Variants in CLSTN2 observed in about 807,000 individuals in gnomAD.
CLSTN2 encodes calsyntenin-2.
Under a neutral mutation model 101.2 loss-of-function variants are expected in CLSTN2, and 48 were observed. The observed-to-expected ratio is 0.47, with a 90% CI of 0.38 to 0.60. The LOEUF (loss-of-function observed/expected upper bound fraction) is 0.60, where lower values mean the gene tolerates loss of function less well. Among genes scored for constraint, CLSTN2 ranks in the 20% least tolerant of loss-of-function variants. The probability of loss-of-function intolerance (pLI) is 0.00; values close to 1 mark genes in which losing one functional copy is unlikely to be tolerated. For synonymous variants in CLSTN2, 481 were observed against 463.6 expected (o/e 1.04, Z -0.48); for missense variants, 1,160 against 1,238.2 (o/e 0.94, Z 0.95).
At chr3:140,007,310 C>G (rs1045544113) in intron 1 of CLSTN2, among the ~76,000 whole-genome samples, 11 of 152,198 alleles carry the variant, frequency 7.2e-5, no homozygotes, top group African/African-American at 1.7e-4. Flanking sequence ...GAGCCCAGGC[C>G]AAGGCCTGAT....
intron 2 of CLSTN2, among the ~76,000 whole-genome samples, chr3:140,264,375 A>AATTT (rs2086677146): frequency 1.0e-5 from 1 of 98,520 alleles, no homozygotes; most frequent in Non-Finnish European, 2.0e-5. Flanking sequence ...TAATGAATCA[A>AATTT]ATATATATAT....
At chr3:140,392,472 A>T (rs1170951573) in intron 2 of CLSTN2, among the ~76,000 whole-genome samples, 1 of 152,122 alleles carries the variant, frequency 6.6e-6, no homozygotes, top group Non-Finnish European at 1.5e-5. Flanking sequence ...TGAAAAATTG[A>T]TTCACATAAC....
At chr3:140,402,032 G>A (rs2088248281) in intron 2 of CLSTN2, among the ~76,000 whole-genome samples, 1 of 152,174 alleles carries the variant, frequency 6.6e-6, no homozygotes, top group African/African-American at 2.4e-5. Context: ...TGGCGGCGGG[G>A]GAGTGGGAGA....
chr3:140,018,506 A>C (rs1325966069), intron 1 of CLSTN2, among the ~76,000 whole-genome samples: 2 of 152,106 alleles, frequency 1.3e-5, no homozygotes, highest in African/African-American at 4.8e-5. Context: ...CAGGGTGTAC[A>C]GTCCTGTCTC....
intron 1 of CLSTN2, among the ~76,000 whole-genome samples, chr3:140,077,069 T>C (rs2008504746): frequency 6.6e-6 from 1 of 152,176 alleles, no homozygotes. Context: ...AGCTCTAAGA[T>C]GAATGAAGAA....
At position 140,371,605 on chromosome 3, in the gene CLSTN2, A is replaced by G. The variant is rs190451298; in HGVS notation, c.233-32024A>G. On this transcript the variant is annotated intron_variant, in intron 2 of 16. Transcript: ENST00000458420. ...CACTCAGACCAGAGCCTCAATATCC[A>G]TTGTCCCATGGAATCCTTCCTCACA... is the stretch of plus-strand genomic sequence containing the variant. Among the ~76,000 whole-genome samples, 66 of 152,254 alleles carry G rather than the reference A, an allele frequency of 4.3e-4. No homozygotes were observed. In the East Asian group the frequency reaches 0.013, roughly 29 times the overall value.
At chr3:139,986,825 A>T (rs903070092) in intron 1 of CLSTN2, among the ~76,000 whole-genome samples, 1 of 152,126 alleles carries the variant, frequency 6.6e-6, no homozygotes, top group African/African-American at 2.4e-5. Flanking sequence ...AGAGAGCTGG[A>T]TTTGTCTTCA....
intron 2 of CLSTN2, among the ~76,000 whole-genome samples, chr3:140,389,974 TTCCTC>T (rs2088095318): frequency 6.6e-6 from 1 of 152,218 alleles, no homozygotes; most frequent in African/African-American, 2.4e-5. Context: ...AAACCATTCT[TTCCTC>T]TATTTTCTAA....
intron 8 of CLSTN2, among the ~76,000 whole-genome samples, chr3:140,523,639 A>C (rs1935081045): frequency 6.6e-6 from 1 of 152,032 alleles, no homozygotes; most frequent in Admixed American, 6.5e-5. Flanking sequence ...TATTATCCTC[A>C]CTTCACATGT....
chr3:140,180,062 A>C (rs2010385305), intron 2 of CLSTN2, among the ~76,000 whole-genome samples: 1 of 152,252 alleles, frequency 6.6e-6, no homozygotes, highest in Admixed American at 6.5e-5. Flanking sequence ...GTAAAAGAAT[A>C]TAAGCTTTCC....
chr3:139,958,533 T>A (rs1273535829), intron 1 of CLSTN2, among the ~76,000 whole-genome samples: 1 of 152,084 alleles, frequency 6.6e-6, no homozygotes, highest in Non-Finnish European at 1.5e-5. Flanking sequence ...TTGATTTATG[T>A]CCAGGGTGGT....
At chr3:140,422,431 C>CT (rs1219189898) in intron 5 of CLSTN2, among the ~76,000 whole-genome samples, 1 of 152,174 alleles carries the variant, frequency 6.6e-6, no homozygotes, top group Middle Eastern at 3.2e-3. Flanking sequence ...CAGAAGCTGC[C>CT]TGACATCATT....
chr3:140,543,634 G>A (rs1935530235), intron 9 of CLSTN2, among the ~76,000 whole-genome samples: 1 of 152,176 alleles, frequency 6.6e-6, no homozygotes, highest in East Asian at 1.9e-4. Flanking sequence ...TCCTGCCACT[G>A]CCCTTCTCCA....
In CLSTN2 at chr3:140,568,590, G is replaced by T. The variant is rs961805628; in HGVS notation, c.*2337G>T. 1.2e-4 allele frequency: 18 copies of T among 152,268 alleles called. No homozygotes were observed. The highest frequency in any genetic ancestry group is 6.2e-4 in the South Asian group (3 of 4,822). The allele number at this position is 152,268 out of a possible 1,614,324, so 9.4% of individuals were successfully genotyped here. A position where few individuals can be genotyped will look rare whatever the true frequency, so the allele number is the denominator to read the frequency against. ...AAAAGATCTTTAGTTGGGCATTTAG[G>T]AGCAACTGAATTCTCCCAAAATTGT... On this transcript the variant is annotated 3_prime_UTR_variant, in exon 17 of 17. Coordinates refer to ENST00000458420, the MANE Select transcript of CLSTN2 (RefSeq NM_022131.3).
intron 2 of CLSTN2, among the ~76,000 whole-genome samples, chr3:140,339,889 A>G (rs1576522722): frequency 1.3e-5 from 2 of 152,218 alleles, no homozygotes; most frequent in African/African-American, 4.8e-5. Context: ...TGCAGGAAAA[A>G]GAGCCCAGGT....
At chr3:140,203,636 T>C (rs1014454062) in intron 2 of CLSTN2, among the ~76,000 whole-genome samples, 3 of 152,164 alleles carry the variant, frequency 2.0e-5, no homozygotes, top group Non-Finnish European at 4.4e-5. Context: ...TCTGCCTGAA[T>C]GGCAAATGAT....
At chr3:140,117,411 C>A (rs762433499) in intron 1 of CLSTN2, among the ~76,000 whole-genome samples, 6 of 152,110 alleles carry the variant, frequency 3.9e-5, no homozygotes, top group Non-Finnish European at 5.9e-5. Context: ...CATTTCCTTG[C>A]CTATAAAACA....
chr3:140,482,176 CAA>C (rs1934132193), intron 8 of CLSTN2, among the ~76,000 whole-genome samples: 1 of 152,156 alleles, frequency 6.6e-6, no homozygotes, highest in Non-Finnish European at 1.5e-5. Context: ...TGAATTTTGT[CAA>C]AGGCCTTTTC....
chr3:140,476,932 T>C (rs1559881449), intron 8 of CLSTN2, among the ~76,000 whole-genome samples: 1 of 152,174 alleles, frequency 6.6e-6, no homozygotes, highest in Non-Finnish European at 1.5e-5. Flanking sequence ...GTGCTGGGAT[T>C]ACAGGTGTGA....
Sources: allele counts gnomAD v4.1 joint callset (sites outside exome capture counted in the v4.1 genomes callset), GRCh38; gene constraint gnomAD v4.1.1; transcripts MANE v1.5; gene names NCBI Gene and HGNC (gene_info 2026-07-23, HGNC 2026-07-21).